Variants in IL6ST observed in about 807,000 individuals in gnomAD.
IL6ST encodes the protein interleukin 6 cytokine family signal transducer.
Under a neutral mutation model 91.3 loss-of-function variants are expected in IL6ST, and 24 were observed. That is an observed-to-expected ratio of 0.26 (90% CI 0.19 to 0.37). IL6ST has a LOEUF of 0.37. Among genes scored for constraint, IL6ST ranks in the 10% least tolerant of loss-of-function variants. The pLI, the probability that IL6ST is intolerant of heterozygous loss-of-function variation, is 1.00. For synonymous variants in IL6ST, 351 were observed against 373.6 expected (o/e 0.94, Z 0.70); for missense variants, 914 against 1,078.5 (o/e 0.85, Z 2.14).
chr5:55,959,339 G>T (rs1438145734), intron 8 of IL6ST, among the ~76,000 whole-genome samples: 1 of 152,152 alleles, frequency 6.6e-6, no homozygotes, highest in Non-Finnish European at 1.5e-5. Context: ...TGCCTTTGAT[G>T]TTCTCAAGTC....
At chr5:55,972,052 C>T (rs757991100) in intron 3 of IL6ST, among the ~76,000 whole-genome samples, 19 of 152,156 alleles carry the variant, frequency 1.2e-4, no homozygotes, top group African/African-American at 3.9e-4. Flanking sequence ...TCAGACCTTA[C>T]AATTCCCTAG....
intron 1 of IL6ST, among the ~76,000 whole-genome samples, chr5:55,986,093 G>A (rs970277675): frequency 6.6e-6 from 1 of 152,218 alleles, no homozygotes; most frequent in Non-Finnish European, 1.5e-5. Context: ...AAGCACTGCT[G>A]CTGCTGGTAG....
chr5:55,964,256 G>A lies in IL6ST; in HGVS notation c.548C>T (p.Thr183Ile), dbSNP rs1284408646. 2.4e-5 allele frequency: 39 copies of A among 1,611,468 alleles called. No homozygotes were observed. Among genetic ancestry groups the A allele is most frequent in the Non-Finnish European group, 3.3e-5 (39 of 1,178,278 alleles). Residue 183 changes from threonine to isoleucine, a missense_variant, in exon 6 of 17, where the codon ACT becomes ATT. Transcript: ENST00000381298. ...AAAATACACAGTAGAATAATCAACA[G>A]TGCATGAGGTGGGGGTGTCACGTTT... The part of the protein sequence containing the change: ...KAKRDTPTSC[T>I]VDYSTVYFVN...
chr5:55,985,848 A>G (rs770749216), intron 1 of IL6ST, among the ~76,000 whole-genome samples: 4 of 152,220 alleles, frequency 2.6e-5, no homozygotes, highest in Non-Finnish European at 5.9e-5. Context: ...TTTGTGAGCC[A>G]TAAGGTCTCT....
At chr5:55,952,628 T>C (rs1185628024) in intron 11 of IL6ST, among the ~76,000 whole-genome samples, 1 of 152,192 alleles carries the variant, frequency 6.6e-6, no homozygotes, top group Admixed American at 6.5e-5. Context: ...CAAATTACTC[T>C]GGATTTTATA....
At chr5:55,990,912 C>G (rs1754286471) in intron 1 of IL6ST, among the ~76,000 whole-genome samples, 2 of 147,218 alleles carry the variant, frequency 1.4e-5, no homozygotes, top group African/African-American at 2.5e-5. Context: ...ATGACAGGCC[C>G]TGGTGTGTGA....
At position 55,976,216 on chromosome 5, in the gene IL6ST, TGTAG is replaced by T; in HGVS notation, c.59_62del (p.Ser20Ter). ...GATAGGGTATTTCATGAACCTTACCTGTAGATTCAGTGGTGAGGAAAATAAACAA... is the reference window on the plus strand; with the variant it reads ...GATAGGGTATTTCATGAACCTTACCTATTCAGTGGTGAGGAAAATAAACAA... On this transcript the variant is annotated frameshift_variant and splice_region_variant, in exon 3 of 17. Transcript: ENST00000381298. LOFTEE classifies it high-confidence loss of function. 1 of 1,556,412 alleles carries T rather than the reference TGTAG, an allele frequency of 6.4e-7. No individual in the cohort carries two copies. The highest frequency in any genetic ancestry group is 1.2e-5 in the South Asian group (1 of 83,468).
In IL6ST at chr5:55,955,138, G is replaced by A. The variant is rs1223044361; in HGVS notation, c.1268-146C>T. 9.8e-6 allele frequency: 6 copies of A among 612,472 alleles called. No homozygotes were observed. The South Asian group carries it at 1.1e-4, about 12-fold the overall frequency. 37.9% of individuals were successfully genotyped at this position (612,472 alleles called of 1,614,324 possible). A position where few individuals can be genotyped will look rare whatever the true frequency, so the allele number is the denominator to read the frequency against. On this transcript the variant is annotated intron_variant, in intron 10 of 16. Coordinates refer to ENST00000381298, the MANE Select transcript of IL6ST (RefSeq NM_002184.4). ...AAAAGCACTTTATTATAACTTACAG[G>A]TAAAGTAGTCAATTTTTAAACTTAG...
Position 55,961,365 on chromosome 5 carries a change from G to A in IL6ST, c.814-804C>T, listed in dbSNP as rs181138836. 3.7e-3 allele frequency among the ~76,000 whole-genome samples: 565 copies of A among 152,282 alleles called. 1 individual carries two copies. The highest frequency in any genetic ancestry group is 6.4e-3 in the Non-Finnish European group (432 of 68,026). ...AGTTAGTACTCTGGGGCTTAGAGCT[G>A]TTTCTACCTCTAGGCCCAAAGGGAT... On this transcript the variant is annotated intron_variant, in intron 7 of 16. Coordinates refer to ENST00000381298, the MANE Select transcript of IL6ST (RefSeq NM_002184.4).
chr5:55,941,952 C>T (rs1236758480), intron 16 of IL6ST, 133 bp from the exon 17 acceptor site: 1 of 707,820 alleles, frequency 1.4e-6, no homozygotes, highest in Admixed American at 2.9e-5. Flanking sequence ...CTGTCAACTA[C>T]CCAAAATGCA....
rs1750861722 is a variant in IL6ST at position 55,940,921 on chromosome 5, A to G, written c.*161T>C. ...TAAAGTAGAATCCCAGATATTCTGG[A>G]ATGGAAATAGCTCATGTGAAACTTC... On this transcript the variant is annotated 3_prime_UTR_variant, in exon 17 of 17. Transcript: ENST00000381298. 9 of 642,228 alleles carry G rather than the reference A, an allele frequency of 1.4e-5. No homozygotes were observed. In the Admixed American group the frequency reaches 1.9e-4, roughly 13 times the overall value. 39.8% of individuals were successfully genotyped at this position (642,228 alleles called of 1,614,324 possible). A position where few individuals can be genotyped will look rare whatever the true frequency, so the allele number is the denominator to read the frequency against.
chr5:55,954,761 A>G (rs772769709), intron 11 of IL6ST, 49 bp downstream of exon 11: 4 of 1,422,264 alleles, frequency 2.8e-6, no homozygotes, highest in South Asian at 1.3e-5. Flanking sequence ...AAAGCTGCCT[A>G]AAGAGTTAGA....
chr5:55,977,577 G>A (rs1753382213), intron 2 of IL6ST, among the ~76,000 whole-genome samples: 1 of 152,148 alleles, frequency 6.6e-6, no homozygotes, highest in Non-Finnish European at 1.5e-5. Context: ...TGTAATCCCA[G>A]CACTTTGGGA....
chr5:55,960,631 G>A, intron 7 of IL6ST, 70 bp from the exon 8 acceptor site: 1 of 1,485,234 alleles, frequency 6.7e-7, no homozygotes, highest in Non-Finnish European at 9.1e-7. Flanking sequence ...TTAAAATTCA[G>A]AAACTTTTTT....
chr5:55,950,339 C>A, intron 14 of IL6ST: 1 of 339,880 alleles, frequency 2.9e-6, no homozygotes, highest in South Asian at 2.3e-5. Context: ...GAGGTCGAGA[C>A]CATCCCAGCC....
intron 11 of IL6ST, among the ~76,000 whole-genome samples, chr5:55,953,969 A>G (rs1751804231): frequency 6.6e-6 from 1 of 152,192 alleles, no homozygotes; most frequent in Admixed American, 6.5e-5. Context: ...CCTAGGCAAC[A>G]GAGTGAGACC....
At chr5:55,949,149 A>G (rs1751456235) in intron 14 of IL6ST, among the ~76,000 whole-genome samples, 1 of 152,264 alleles carries the variant, frequency 6.6e-6, no homozygotes, top group East Asian at 1.9e-4. Flanking sequence ...TTTACTGTAC[A>G]GTCTAAATTC....
At chr5:55,978,741 A>G (rs1399448314) in intron 2 of IL6ST, among the ~76,000 whole-genome samples, 4 of 152,232 alleles carry the variant, frequency 2.6e-5, no homozygotes. Flanking sequence ...AAGTTCAGAA[A>G]AAAGGCAGCC....
intron 4 of IL6ST, among the ~76,000 whole-genome samples, chr5:55,968,844 T>C (rs1284436629): frequency 6.6e-6 from 1 of 152,218 alleles, no homozygotes; most frequent in African/African-American, 2.4e-5. Flanking sequence ...AAAGTCTGGG[T>C]GATCCACAAA....
Sources: gnomAD v4.1 joint callset for allele counts (sites outside exome capture counted in the v4.1 genomes callset) on GRCh38, gnomAD v4.1.1 for gene constraint, MANE v1.5 for transcripts, NCBI Gene and HGNC (gene_info 2026-07-23, HGNC 2026-07-21) for gene names.